CCSER1: variants seen among roughly 807,000 people sequenced by gnomAD.
CCSER1 encodes the protein coiled-coil serine rich protein 1, also known as serine-rich coiled-coil domain-containing protein 1.
Under a neutral mutation model 82.0 loss-of-function variants are expected in CCSER1, and 41 were observed. The observed-to-expected ratio is 0.50, with a 90% CI of 0.39 to 0.65. CCSER1 has a LOEUF of 0.65. CCSER1 is among the 30% of genes least tolerant of loss of function. The probability of loss-of-function intolerance (pLI) is 0.00; values close to 1 mark genes in which losing one functional copy is unlikely to be tolerated. For synonymous variants in CCSER1, 414 were observed against 383.9 expected (o/e 1.08, Z -0.92); for missense variants, 1,119 against 1,064.2 (o/e 1.05, Z -0.72).
chr4:90,969,328 CA>C (rs1387923565), intron 9 of CCSER1, among the ~76,000 whole-genome samples: 4 of 151,646 alleles, frequency 2.6e-5, no homozygotes, highest in Admixed American at 6.6e-5. Flanking sequence ...AGAATAACTT[CA>C]AAAAGAATAT....
chr4:91,213,797 C>T (rs1044775106), intron 10 of CCSER1, among the ~76,000 whole-genome samples: 2 of 152,060 alleles, frequency 1.3e-5, no homozygotes, highest in African/African-American at 2.4e-5. Context: ...GAGCTTCACC[C>T]CTATTCCCTA....
chr4:91,447,115 A>G (rs1755613556), intron 10 of CCSER1, among the ~76,000 whole-genome samples: 1 of 152,062 alleles, frequency 6.6e-6, no homozygotes, highest in South Asian at 2.1e-4. Context: ...TCCTGAGTTT[A>G]GGCGTCTTAA....
At chr4:91,087,573 T>C (rs1424023335) in intron 10 of CCSER1, among the ~76,000 whole-genome samples, 1 of 152,108 alleles carries the variant, frequency 6.6e-6, no homozygotes. Context: ...TTGTGATTTC[T>C]CTGAAGGTCA....
intron 5 of CCSER1, among the ~76,000 whole-genome samples, chr4:90,617,562 G>T (rs1183288993): frequency 6.6e-6 from 1 of 152,130 alleles, no homozygotes; most frequent in African/African-American, 2.4e-5. Flanking sequence ...CCATCTTAGT[G>T]TCTGTGTCTT....
intron 3 of CCSER1, among the ~76,000 whole-genome samples, chr4:90,399,558 A>G (rs113855703): frequency 0.011 from 1,669 of 152,232 alleles, 14 homozygotes; most frequent in African/African-American, 0.021. Context: ...TTTGAAATAT[A>G]AATATTAGAA....
intron 4 of CCSER1, among the ~76,000 whole-genome samples, chr4:90,411,728 C>T (rs984644642): frequency 6.6e-6 from 1 of 152,194 alleles, no homozygotes; most frequent in Non-Finnish European, 1.5e-5. Context: ...GGGATGCCCT[C>T]TCTCACCACT....
chr4:90,528,570 A>C (rs1417975854), intron 5 of CCSER1, among the ~76,000 whole-genome samples: 2 of 152,170 alleles, frequency 1.3e-5, no homozygotes, highest in Non-Finnish European at 2.9e-5. Flanking sequence ...GTTATAATTC[A>C]TTTACTCCAA....
intron 10 of CCSER1, among the ~76,000 whole-genome samples, chr4:91,211,458 A>G (rs1736817938): frequency 6.6e-6 from 1 of 152,070 alleles, no homozygotes; most frequent in African/African-American, 2.4e-5. Flanking sequence ...TACTGCTTTC[A>G]TCTTAATGGC....
chr4:91,470,758 TA>T (rs1430938056), intron 10 of CCSER1, among the ~76,000 whole-genome samples: 1 of 152,190 alleles, frequency 6.6e-6, no homozygotes, highest in African/African-American at 2.4e-5. Flanking sequence ...CATCTGCCAG[TA>T]AATCCTTGAT....
At chr4:91,079,152 G>GA (rs1372713694) in intron 9 of CCSER1, among the ~76,000 whole-genome samples, 1 of 152,040 alleles carries the variant, frequency 6.6e-6, no homozygotes, top group African/African-American at 2.4e-5. Context: ...TGAAACAAAG[G>GA]AAAAAAGGTT....
intron 1 of CCSER1, among the ~76,000 whole-genome samples, chr4:90,177,336 C>A (rs1044455218): frequency 6.6e-6 from 1 of 152,082 alleles, no homozygotes; most frequent in Non-Finnish European, 1.5e-5. Context: ...GCAATGGCAA[C>A]AAAAACTACT....
chr4:90,509,188 T>C (rs2153615847), intron 5 of CCSER1, among the ~76,000 whole-genome samples: 1 of 152,226 alleles, frequency 6.6e-6, no homozygotes, highest in East Asian at 1.9e-4. Flanking sequence ...AAAGAGCGTT[T>C]TTTATAGCAT....
At chr4:90,322,218 C>G (rs1018168844) in intron 3 of CCSER1, among the ~76,000 whole-genome samples, 1 of 152,086 alleles carries the variant, frequency 6.6e-6, no homozygotes, top group African/African-American at 2.4e-5. Context: ...TTTTCCAGCA[C>G]CATTTATTGA....
rs1216694833 is a variant in CCSER1 at position 90,727,217 on chromosome 4, A to G, written c.2010+3226A>G. On this transcript the variant is annotated intron_variant, in intron 7 of 10. Coordinates refer to ENST00000509176, the MANE Select transcript of CCSER1 (RefSeq NM_001145065.2). ...GTTTTTTAATAGAATATTCAGCATT[A>G]TATCAACTGTACACACATATGGTCT... The G allele has an allele frequency of 1.1e-5, 5 of 455,868 alleles. No individual in the cohort carries two copies. In the Admixed American group the frequency reaches 1.2e-4, roughly 11 times the overall value. 28.2% of individuals were successfully genotyped at this position (455,868 alleles called of 1,614,324 possible).
intron 1 of CCSER1, among the ~76,000 whole-genome samples, chr4:90,153,616 T>C (rs1368630431): frequency 1.3e-5 from 2 of 152,142 alleles, no homozygotes; most frequent in African/African-American, 4.8e-5. Context: ...TGGTTTTGAT[T>C]TGCATTTCTC....
intron 10 of CCSER1, among the ~76,000 whole-genome samples, chr4:91,489,473 G>C (rs969471528): frequency 6.6e-6 from 1 of 152,092 alleles, no homozygotes; most frequent in Non-Finnish European, 1.5e-5. Context: ...TTTGACATCA[G>C]TATCTACCCA....
At chr4:90,719,467 C>T (rs1742293973) in intron 6 of CCSER1, among the ~76,000 whole-genome samples, 1 of 152,182 alleles carries the variant, frequency 6.6e-6, no homozygotes, top group South Asian at 2.1e-4. Context: ...TAAATCATCC[C>T]CCTCCCACTT....
chr4:90,414,832 A>G (rs1408998138), intron 4 of CCSER1, among the ~76,000 whole-genome samples: 1 of 152,208 alleles, frequency 6.6e-6, no homozygotes, highest in Non-Finnish European at 1.5e-5. Context: ...TGAACTATAC[A>G]ATTTGTCTAA....
rs543237359 is a variant in CCSER1 at position 91,330,383 on chromosome 4, A to G, written c.2217+244389A>G. Among the ~76,000 whole-genome samples the G allele has an allele frequency of 4.0e-3, 602 of 152,268 alleles. 1 individual carries two copies. Among genetic ancestry groups the G allele is most frequent in the African/African-American group, 0.013 (552 of 41,562 alleles). On this transcript the variant is annotated intron_variant, in intron 10 of 10. Coordinates refer to ENST00000509176, the MANE Select transcript of CCSER1 (RefSeq NM_001145065.2). ...CAAGTCATGGTGCTTCAAGTCACCGATCACTGTGGCAAATGTGGAGTGAGA... is the reference window on the plus strand; with the variant it reads ...CAAGTCATGGTGCTTCAAGTCACCGGTCACTGTGGCAAATGTGGAGTGAGA...
Sources: allele counts gnomAD v4.1 joint callset (sites outside exome capture counted in the v4.1 genomes callset), GRCh38; gene constraint gnomAD v4.1.1; transcripts MANE v1.5; gene names NCBI Gene and HGNC (gene_info 2026-07-23, HGNC 2026-07-21).